PTPRT: variants seen among roughly 807,000 people sequenced by gnomAD.
The protein encoded by PTPRT is receptor-type tyrosine-protein phosphatase T.
PTPRT carries 56 observed loss-of-function variants against 176.8 expected under a neutral mutation model. The ratio of observed to expected loss-of-function variants is 0.32; its 90% CI spans 0.26 to 0.40. The LOEUF (loss-of-function observed/expected upper bound fraction) is 0.40. Ranked by LOEUF, PTPRT falls within the 10% of genes least tolerant of loss-of-function variation. The pLI is 1.00. For synonymous variants in PTPRT, 783 were observed against 739.0 expected (o/e 1.06, Z -0.96); for missense variants, 1,540 against 1,908.2 (o/e 0.81, Z 3.60).
chr20:42,331,774 T>G (rs144523247), intron 11 of PTPRT, among the ~76,000 whole-genome samples: 93 of 152,264 alleles, frequency 6.1e-4, no homozygotes, highest in African/African-American at 2.1e-3. Context: ...AATGCAAATT[T>G]TGAACAGGTT....
rs375171555 is a variant in PTPRT, at chr20:42,121,304, C to T, written c.2848-1333G>A. On this transcript the variant is annotated intron_variant, in intron 19 of 30. Coordinates refer to ENST00000373187, the MANE Select transcript of PTPRT (RefSeq NM_007050.6). ...GTCATGACCAGAACTGTTGGATTAA[C>T]CGCAGAGCAATCAACAGCCCTACTA... Among the ~76,000 whole-genome samples the T allele has an allele frequency of 3.6e-4, 55 of 152,332 alleles. 2 individuals are homozygous for T. In the South Asian group the frequency reaches 0.011, roughly 30 times the overall value.
intron 2 of PTPRT, among the ~76,000 whole-genome samples, chr20:42,883,730 CCCCATACACTCTCACACATA>C (rs2079049255): frequency 1.2e-3 from 1 of 836 alleles, no homozygotes. Flanking sequence ...ACCCATACAC[CCCCATACACTCTCACACATA>C]CCCATACACA....
At chr20:43,085,259 T>G (rs1409111897) in intron 1 of PTPRT, among the ~76,000 whole-genome samples, 2 of 152,170 alleles carry the variant, frequency 1.3e-5, no homozygotes, top group African/African-American at 4.8e-5. Context: ...CAGAAACATC[T>G]CATTCTTTTA....
Position 42,385,846 on chromosome 20 carries a change from C to T in PTPRT, c.1561-33561G>A, listed in dbSNP as rs371264399. On this transcript the variant is annotated intron_variant, in intron 9 of 30. Transcript: ENST00000373187. ...CCCACGATTCAATTATCCCCACCTGCCCCCCTCCATGGACATGTGGGGATT... is the reference window on the plus strand; with the variant it reads ...CCCACGATTCAATTATCCCCACCTGTCCCCCTCCATGGACATGTGGGGATT... Among the ~76,000 whole-genome samples the T allele has an allele frequency of 3.9e-5, 6 of 152,220 alleles. No individual in the cohort carries two copies. The East Asian group carries it at 5.8e-4, about 15-fold the overall frequency.
chr20:43,189,816 C>T lies in PTPRT; in HGVS notation c.-83G>A, dbSNP rs1432138142. Reference sequence around the variant, plus strand: ...CGGGCGCGGGGTGGCCCCGCATCGCCGGCGCGGCCGCTGGCTGTGCGCGCG... The same window carrying T: ...CGGGCGCGGGGTGGCCCCGCATCGCTGGCGCGGCCGCTGGCTGTGCGCGCG... On this transcript the variant is annotated 5_prime_UTR_variant, in exon 1 of 31. Coordinates refer to ENST00000373187, the MANE Select transcript of PTPRT (RefSeq NM_007050.6). The surrounding 1 kb of genome is among the most constrained non-coding windows in gnomAD (Gnocchi z 5.0). 1 of 721,462 alleles carries T rather than the reference C, an allele frequency of 1.4e-6. No individual in the cohort carries two copies. Among genetic ancestry groups the T allele is most frequent in the South Asian group, 5.9e-5 (1 of 16,854 alleles). The allele number at this position is 721,462 out of a possible 1,614,324, so 44.7% of individuals were successfully genotyped here.
chr20:42,999,489 C>T (rs938637457), intron 1 of PTPRT, among the ~76,000 whole-genome samples: 2 of 151,948 alleles, frequency 1.3e-5, no homozygotes, highest in African/African-American at 2.4e-5. Flanking sequence ...GGTGGTCAGG[C>T]TCATGAGTGT....
chr20:42,890,226 A>T (rs1043136799), intron 1 of PTPRT, among the ~76,000 whole-genome samples: 4 of 152,190 alleles, frequency 2.6e-5, no homozygotes, highest in African/African-American at 9.6e-5. Flanking sequence ...CCCACTCCCT[A>T]TTGGTCTGAC....
intron 1 of PTPRT, among the ~76,000 whole-genome samples, chr20:43,188,133 G>T (rs1192472317): frequency 6.6e-6 from 1 of 152,160 alleles, no homozygotes; most frequent in East Asian, 1.9e-4. Context: ...CACGAATCAT[G>T]CCTGGATCCC....
At chr20:43,168,977 A>C (rs1342216713) in intron 1 of PTPRT, among the ~76,000 whole-genome samples, 1 of 152,208 alleles carries the variant, frequency 6.6e-6, no homozygotes, top group Non-Finnish European at 1.5e-5. Context: ...GTGTCTGCAA[A>C]GCCTTTAAAA....
At chr20:42,868,368 G>A (rs1298562887) in intron 2 of PTPRT, among the ~76,000 whole-genome samples, 1 of 152,190 alleles carries the variant, frequency 6.6e-6, no homozygotes, top group Non-Finnish European at 1.5e-5. Context: ...CTTCAAGATA[G>A]CCAAGAACTT....
chr20:42,971,021 T>C (rs1982604666), intron 1 of PTPRT: 1 of 152,220 alleles, frequency 6.6e-6, no homozygotes, highest in Non-Finnish European at 1.5e-5. Context: ...GGTGTTCCCA[T>C]TGCAAGAGAA....
intron 1 of PTPRT, among the ~76,000 whole-genome samples, chr20:42,901,716 C>T (rs908244933): frequency 6.6e-6 from 1 of 152,164 alleles, no homozygotes; most frequent in East Asian, 1.9e-4. Flanking sequence ...ATGCCCCCTC[C>T]TCTCTGGGTG....
Position 42,903,127 on chromosome 20 carries a change from A to G in PTPRT, c.89-17195T>C, listed in dbSNP as rs556240728. 3.3e-5 allele frequency among the ~76,000 whole-genome samples: 5 copies of G among 152,362 alleles called. No homozygotes were observed. In the South Asian group the frequency reaches 6.2e-4, roughly 19 times the overall value. On this transcript the variant is annotated intron_variant, in intron 1 of 30. Coordinates refer to ENST00000373187, the MANE Select transcript of PTPRT (RefSeq NM_007050.6). Reference sequence around the variant, plus strand: ...CAATAAACATGTGCCTAAGGTGGGTATGGAAATGGATCCTTATTGAGCAGC... The same window carrying G: ...CAATAAACATGTGCCTAAGGTGGGTGTGGAAATGGATCCTTATTGAGCAGC...
At chr20:42,363,295 T>TATAA (rs2058463694) in intron 9 of PTPRT, among the ~76,000 whole-genome samples, 1 of 27,128 alleles carries the variant, frequency 3.7e-5, no homozygotes, top group Non-Finnish European at 6.1e-5. Context: ...TATATATATA[T>TATAA]ATATATTTTT....
chr20:43,007,051 G>C (rs934777027), intron 1 of PTPRT, among the ~76,000 whole-genome samples: 1 of 152,144 alleles, frequency 6.6e-6, no homozygotes, highest in Admixed American at 6.6e-5. Context: ...ACAGAAATTA[G>C]AACAATCTAA....
intron 11 of PTPRT, among the ~76,000 whole-genome samples, chr20:42,336,121 CATATT>C (rs2058036097): frequency 1.3e-5 from 2 of 152,020 alleles, no homozygotes; most frequent in South Asian, 2.1e-4. Flanking sequence ...ATAATACTTA[CATATT>C]ATATTATACT....
chr20:42,809,400 G>A (rs1159279352), intron 2 of PTPRT, among the ~76,000 whole-genome samples: 1 of 152,196 alleles, frequency 6.6e-6, no homozygotes, highest in Non-Finnish European at 1.5e-5. Flanking sequence ...TGGCATTTGG[G>A]TGAGAAGGGC....
chr20:42,176,145 A>T lies in PTPRT; in HGVS notation c.2492-14603T>A, dbSNP rs536075423. Reference sequence around the variant, plus strand: ...TGTTGTTTACTCGTGTATCTCCAGAATCTAGTGCCTACTCTGGAAACACTC... The same window carrying T: ...TGTTGTTTACTCGTGTATCTCCAGATTCTAGTGCCTACTCTGGAAACACTC... On this transcript the variant is annotated intron_variant, in intron 16 of 30. Coordinates refer to ENST00000373187, the MANE Select transcript of PTPRT (RefSeq NM_007050.6). 2.1e-3 allele frequency among the ~76,000 whole-genome samples: 323 copies of T among 152,178 alleles called. 4 individuals carry two copies. The highest frequency in any genetic ancestry group is 2.5e-3 in the Non-Finnish European group (172 of 68,038).
chr20:42,377,547 T>A (rs185691893), intron 9 of PTPRT, among the ~76,000 whole-genome samples: 1 of 152,326 alleles, frequency 6.6e-6, no homozygotes, highest in East Asian at 1.9e-4. Flanking sequence ...TCTGATGCTG[T>A]TGTTAATTGG....
Sources: allele counts gnomAD v4.1 joint callset (sites outside exome capture counted in the v4.1 genomes callset), GRCh38; gene constraint gnomAD v4.1.1; non-coding constraint Gnocchi (gnomAD v3.1); transcripts MANE v1.5; gene names NCBI Gene and HGNC (gene_info 2026-07-23, HGNC 2026-07-21).